PKD1L1: variants seen among roughly 807,000 people sequenced by gnomAD.
The protein encoded by PKD1L1 is polycystin 1 like 1, transient receptor potential channel interacting.
Under a neutral mutation model 323.4 loss-of-function variants are expected in PKD1L1, and 236 were observed. The ratio of observed to expected loss-of-function variants is 0.73; its 90% confidence interval spans 0.66 to 0.81. PKD1L1 has a LOEUF of 0.81. Among genes scored for constraint, PKD1L1 ranks in the 40% least tolerant of loss-of-function variants. PKD1L1 has a pLI of 0.00. For missense variants in PKD1L1, 3,320 were observed against 3,508.0 expected (o/e 0.95, Z 1.35); for synonymous variants, 1,344 against 1,335.0 (o/e 1.01, Z -0.15).
At chr7:47,838,339 T>C (rs761338880) in intron 36 of PKD1L1, among the ~76,000 whole-genome samples, 3 of 152,196 alleles carry the variant, frequency 2.0e-5, no homozygotes, top group Non-Finnish European at 2.9e-5. Context: ...CCGGCGACAC[T>C]GGGGACTGTC....
intron 56 of PKD1L1, among the ~76,000 whole-genome samples, chr7:47,790,281 C>A (rs1786909452): frequency 6.6e-6 from 1 of 151,894 alleles, no homozygotes; most frequent in African/African-American, 2.4e-5. Context: ...TTCATATGCA[C>A]ATTTAAACAG....
At chr7:47,915,141 C>T (rs531174071) in intron 8 of PKD1L1, among the ~76,000 whole-genome samples, 103 of 152,336 alleles carry the variant, frequency 6.8e-4, no homozygotes, top group African/African-American at 2.4e-3. Context: ...GAGCTTTTAT[C>T]TGAGGAATGC....
intron 52 of PKD1L1, among the ~76,000 whole-genome samples, chr7:47,803,829 A>G (rs1442635513): frequency 6.6e-6 from 1 of 152,174 alleles, no homozygotes; most frequent in Non-Finnish European, 1.5e-5. Context: ...TACGGGAGGC[A>G]CTCCACTTTA....
chr7:47,790,033 C>T (rs565244044), intron 56 of PKD1L1, among the ~76,000 whole-genome samples: 11 of 151,936 alleles, frequency 7.2e-5, no homozygotes, highest in South Asian at 2.1e-4. Context: ...GGACTACAGC[C>T]GCGTGCCATG....
chr7:47,884,788 CAA>C, intron 18 of PKD1L1, 131 bp from the exon 19 acceptor site: 1 of 754,900 alleles, frequency 1.3e-6, no homozygotes, highest in South Asian at 1.7e-5. Flanking sequence ...CTGTGGATTA[CAA>C]AATACCCTCA....
upstream of PKD1L1, among the ~76,000 whole-genome samples, chr7:47,952,581 T>C (rs1395438910): frequency 6.6e-6 from 1 of 152,196 alleles, no homozygotes; most frequent in African/African-American, 2.4e-5. Context: ...TTCACCCCAA[T>C]ATGCTTCTGG....
At chr7:47,864,583 T>TCTTTCTTTCTTTCTTC (rs1491407665) in intron 26 of PKD1L1, among the ~76,000 whole-genome samples, 1 of 75,204 alleles carries the variant, frequency 1.3e-5, no homozygotes, top group Non-Finnish European at 2.5e-5. Flanking sequence ...TTCTTTTCTT[T>TCTTTCTTTCTTTCTTC]CTTTCTTTCT....
Position 47,837,061 on chromosome 7 carries a change from C to T in PKD1L1, c.5803G>A (p.Asp1935Asn). ...FYCKFTEYLEDFHVWLSVYSR... is the reference protein window; with the variant it reads ...FYCKFTEYLENFHVWLSVYSR... The stretch of plus-strand genomic sequence containing the variant: ...TACACCGACAGCCAGACATGGAAAT[C>T]CTCCAGGTACTCTGTGAACTTGCAA... Residue 1935 changes from aspartate to asparagine, a missense_variant, in exon 37 of 57, where the codon GAT becomes AAT. By Grantham distance (23) the Asp-to-Asn change is conservative. Coordinates refer to ENST00000289672, the MANE Select transcript of PKD1L1 (RefSeq NM_138295.5). 2.5e-6 allele frequency: 4 copies of T among 1,614,208 alleles called. No homozygotes were observed. Among genetic ancestry groups the T allele is most frequent in the Non-Finnish European group, 3.4e-6 (4 of 1,180,036 alleles).
At chr7:47,902,018 AGAAAG>A (rs1324116284) in intron 13 of PKD1L1, among the ~76,000 whole-genome samples, 6 of 150,392 alleles carry the variant, frequency 4.0e-5, no homozygotes, top group Admixed American at 2.0e-4. Flanking sequence ...ATCCAAAAAA[AGAAAG>A]GAAAGGAAAG....
Position 47,916,528 on chromosome 7 carries a change from G to A in PKD1L1, c.1061-929C>T, listed in dbSNP as rs576805391. On this transcript the variant is annotated intron_variant, in intron 7 of 56. Coordinates refer to ENST00000289672, the MANE Select transcript of PKD1L1 (RefSeq NM_138295.5). ...CAGAACAACTGCAGGAATAAATCAG[G>A]AAAGCTGAGAGGACCCACAGACTCC... 5.3e-5 allele frequency among the ~76,000 whole-genome samples: 8 copies of A among 152,312 alleles called. No individual in the cohort carries two copies. In the East Asian group the frequency reaches 1.5e-3, roughly 29 times the overall value.
chr7:47,848,373 T>C (rs1341530587), intron 31 of PKD1L1, among the ~76,000 whole-genome samples: 4 of 151,964 alleles, frequency 2.6e-5, no homozygotes, highest in Non-Finnish European at 4.4e-5. Flanking sequence ...GATGAATAAA[T>C]ACATACGGAG....
At chr7:47,904,749 T>G (rs1320446765) in intron 11 of PKD1L1, 132 bp from the exon 12 acceptor site, 2 of 1,124,478 alleles carry the variant, frequency 1.8e-6, no homozygotes, top group African/African-American at 3.2e-5. Context: ...TTGTAAGAAC[T>G]ACAAAAGTAT....
intron 26 of PKD1L1, among the ~76,000 whole-genome samples, chr7:47,861,692 C>T (rs1786027586): frequency 6.6e-6 from 1 of 151,672 alleles, no homozygotes; most frequent in African/African-American, 2.4e-5. Flanking sequence ...ACCATCCTGG[C>T]TAACACAGTG....
intron 39 of PKD1L1, 59 bp downstream of exon 39, chr7:47,834,908 G>T (rs1562952203): frequency 8.4e-6 from 12 of 1,423,750 alleles, no homozygotes; most frequent in East Asian, 6.9e-5. Context: ...CTACTTAGTA[G>T]ATTGGTGCAA....
At chr7:47,922,738 C>T (rs1186393415) in intron 7 of PKD1L1, among the ~76,000 whole-genome samples, 2 of 149,076 alleles carry the variant, frequency 1.3e-5, no homozygotes, top group East Asian at 1.9e-4. Flanking sequence ...CGGCCAGCCG[C>T]CCCGTTGGGG....
At chr7:47,861,892 A>C (rs1583627984) in intron 26 of PKD1L1, among the ~76,000 whole-genome samples, 2 of 148,412 alleles carry the variant, frequency 1.3e-5, no homozygotes, top group Admixed American at 1.3e-4. Flanking sequence ...AAAAAAAAAA[A>C]AAAAAAAAAA....
chr7:47,784,438 T>C (rs1401608273), intron 56 of PKD1L1, among the ~76,000 whole-genome samples: 1 of 152,138 alleles, frequency 6.6e-6, no homozygotes, highest in African/African-American at 2.4e-5. Context: ...ACTATGACCC[T>C]ATCATTTTGT....
At position 47,800,707 on chromosome 7, in the gene PKD1L1, GC is replaced by G. The variant is rs1562935631; in HGVS notation, c.8134del (p.Ala2712ProfsTer10). 1 of 1,614,208 alleles carries G rather than the reference GC, an allele frequency of 6.2e-7. No homozygotes were observed. Among genetic ancestry groups the G allele is most frequent in the Admixed American group, 1.7e-5 (1 of 60,030 alleles). ...AAGGATCCCAAAGTAACAAGCCATG[GC>G]CCGCTGGTCAGACTTGGAAAGGCCA... ...LLGLSKSDQR[A>X]MACYFGILLI... is the part of the protein sequence containing the mutation. On this transcript the variant is annotated frameshift_variant, in exon 54 of 57. Coordinates refer to ENST00000289672, the MANE Select transcript of PKD1L1 (RefSeq NM_138295.5). LOFTEE classifies it high-confidence loss of function.
chr7:47,789,931 C>T (rs577684584), intron 56 of PKD1L1, among the ~76,000 whole-genome samples: 154 of 152,138 alleles, frequency 1.0e-3, no homozygotes, highest in African/African-American at 3.5e-3. Context: ...CTCTGTTGCC[C>T]AGGCTGGAGT....
Sources: gnomAD v4.1 joint callset for allele counts (sites outside exome capture counted in the v4.1 genomes callset) on GRCh38, gnomAD v4.1.1 for gene constraint, MANE v1.5 for transcripts, NCBI Gene and HGNC (gene_info 2026-07-23, HGNC 2026-07-21) for gene names.